The following PIK3C3 variants were observed in gnomAD, a reference collection of about 807,000 sequenced individuals.
PIK3C3 encodes phosphatidylinositol 3-kinase catalytic subunit type 3.
In PIK3C3, 95 loss-of-function variants were observed where a neutral mutation model predicts 126.1. That is an observed-to-expected ratio of 0.75 (90% CI 0.64 to 0.89). The LOEUF (loss-of-function observed/expected upper bound fraction) is 0.89. PIK3C3 is among the 40% of genes least tolerant of loss of function. PIK3C3 has a pLI of 0.00. For missense variants in PIK3C3, 829 were observed against 1,063.2 expected, an observed-to-expected ratio of 0.78 and a Z score of 3.06; for synonymous variants, 374 against 360.0, an observed-to-expected ratio of 1.04 and a Z score of -0.44.
intron 4 of PIK3C3, among the ~76,000 whole-genome samples, chr18:41,979,638 A>G (rs1199949950): frequency 6.6e-6 from 1 of 152,156 alleles, no homozygotes; most frequent in African/African-American, 2.4e-5. Flanking sequence ...AAATGAAGGC[A>G]TTATGTTTTA....
In PIK3C3 at chr18:42,082,880, T is replaced by C. The variant is rs1986299357; in HGVS notation, c.*1743T>C. On this transcript the variant is annotated 3_prime_UTR_variant, in exon 25 of 25. Coordinates refer to ENST00000262039, the MANE Select transcript of PIK3C3 (RefSeq NM_002647.4). ...AACTCCACAGCACTCTGCATAGATATGACCATGTTTATAAGGAACTCAATA... is the reference window on the plus strand; with the variant it reads ...AACTCCACAGCACTCTGCATAGATACGACCATGTTTATAAGGAACTCAATA... The C allele has an allele frequency of 1.3e-5, 2 of 152,210 alleles. No individual in the cohort carries two copies. The highest frequency in any genetic ancestry group is 6.5e-5 in the Admixed American group (1 of 15,276). The allele number at this position is 152,210 out of a possible 1,614,324, so 9.4% of individuals were successfully genotyped here. A position where few individuals can be genotyped will look rare whatever the true frequency, so the allele number is the denominator to read the frequency against.
chr18:42,078,241 G>C (rs1178441501), intron 24 of PIK3C3, among the ~76,000 whole-genome samples: 1 of 151,542 alleles, frequency 6.6e-6, no homozygotes, highest in Non-Finnish European at 1.5e-5. Context: ...GCCGGGTGCG[G>C]TGGCGGGCGC....
intron 4 of PIK3C3, among the ~76,000 whole-genome samples, chr18:41,977,177 T>C (rs908104508): frequency 1.3e-5 from 2 of 152,274 alleles, no homozygotes; most frequent in South Asian, 2.1e-4. Context: ...ATATCTATGC[T>C]ATGAAAGAAT....
At chr18:42,061,135 A>G (rs1455138439) in intron 22 of PIK3C3, among the ~76,000 whole-genome samples, 2 of 152,250 alleles carry the variant, frequency 1.3e-5, no homozygotes, top group Non-Finnish European at 2.9e-5. Context: ...GGTAAGAGAA[A>G]GAGTGCAGTT....
chr18:41,997,226 G>A (rs902580108), intron 9 of PIK3C3, among the ~76,000 whole-genome samples: 1 of 152,106 alleles, frequency 6.6e-6, no homozygotes, highest in African/African-American at 2.4e-5. Context: ...TTCTAGACGA[G>A]ATGTGGCTGG....
At chr18:41,974,675 T>G (rs1213270022) in intron 4 of PIK3C3, among the ~76,000 whole-genome samples, 1 of 152,116 alleles carries the variant, frequency 6.6e-6, no homozygotes, top group Non-Finnish European at 1.5e-5. Context: ...TCTAGAGCAT[T>G]TATTAAACTT....
rs1042384027 is a variant in PIK3C3, at chr18:42,081,828, A to G, written c.*691A>G. On this transcript the variant is annotated 3_prime_UTR_variant, in exon 25 of 25. Transcript: ENST00000262039. ...ATATGAAAATGTGGCTATTTAGATA[A>G]CTGGCCAAAAGGTCATATGACCACC... 2 of 152,222 alleles carry G rather than the reference A, an allele frequency of 1.3e-5. No homozygotes were observed. The highest frequency in any genetic ancestry group is 2.4e-5 in the African/African-American group (1 of 41,472). 9.4% of individuals were successfully genotyped at this position (152,222 alleles called of 1,614,324 possible).
At chr18:42,058,318 C>T (rs146168521) in intron 22 of PIK3C3, among the ~76,000 whole-genome samples, 2 of 152,268 alleles carry the variant, frequency 1.3e-5, no homozygotes, top group African/African-American at 4.8e-5. Context: ...ATGAAGCAAA[C>T]ATGGAGGCTT....
In PIK3C3 at chr18:42,037,802, C is replaced by A. The variant is rs1467945486; in HGVS notation, c.1950C>A (p.Ile650=). 1 of 1,610,728 alleles carries A rather than the reference C, an allele frequency of 6.2e-7. No individual in the cohort carries two copies. Among genetic ancestry groups the A allele is most frequent in the South Asian group, 1.1e-5 (1 of 90,842 alleles). ...DLRQDQLILQ[I]ISLMDKLLRK... is the part of the protein sequence containing the mutation. ...GTCAAGATCAACTTATTCTTCAAAT[C>A]ATTTCACTCATGGACAAGGTGAACA... is the stretch of plus-strand genomic sequence containing the variant. Residue 650 remains isoleucine (I), a synonymous_variant, in exon 17 of 25, where the codon ATC becomes ATA. Transcript: ENST00000262039.
At chr18:42,076,793 G>A (rs371489559) in intron 24 of PIK3C3, among the ~76,000 whole-genome samples, 1 of 152,138 alleles carries the variant, frequency 6.6e-6, no homozygotes, top group East Asian at 1.9e-4. Flanking sequence ...ACACTTGAAT[G>A]TCATCCTTGA....
intron 24 of PIK3C3, among the ~76,000 whole-genome samples, chr18:42,068,085 T>A: frequency 6.6e-6 from 1 of 152,216 alleles, no homozygotes; most frequent in Non-Finnish European, 1.5e-5. Context: ...CCCTCACCTC[T>A]CCTGTGAACT....
Position 42,067,529 on chromosome 18 carries a change from G to A in PIK3C3, c.2649+16G>A. 1 of 1,613,858 alleles carries A rather than the reference G, an allele frequency of 6.2e-7. No homozygotes were observed. The highest frequency in any genetic ancestry group is 8.5e-7 in the Non-Finnish European group (1 of 1,179,840). On this transcript the variant is annotated intron_variant, in intron 24 of 24. Coordinates refer to ENST00000262039, the MANE Select transcript of PIK3C3 (RefSeq NM_002647.4). ...GTTTGCCCAGGTAAGTTCCCTGAGT[G>A]CAGTGCATTTTTCTCACCTTCTCCG...
chr18:42,041,233 T>A (rs1373276944), intron 19 of PIK3C3, among the ~76,000 whole-genome samples: 1 of 152,092 alleles, frequency 6.6e-6, no homozygotes, highest in Non-Finnish European at 1.5e-5. Context: ...GTGAACAAAT[T>A]AAAATTTGTT....
intron 4 of PIK3C3, among the ~76,000 whole-genome samples, chr18:41,986,552 G>T (rs1416997435): frequency 6.6e-6 from 1 of 152,012 alleles, no homozygotes; most frequent in East Asian, 1.9e-4. Flanking sequence ...GTTTGAAAAT[G>T]GAGTATTAAG....
At chr18:42,076,135 T>TATGCAC (rs1568013666) in intron 24 of PIK3C3, among the ~76,000 whole-genome samples, 1 of 92,786 alleles carries the variant, frequency 1.1e-5, no homozygotes, top group African/African-American at 6.5e-5. Context: ...CATATATATA[T>TATGCAC]ATATATATGC....
chr18:42,059,068 A>T (rs555414946), intron 22 of PIK3C3, among the ~76,000 whole-genome samples: 5 of 152,310 alleles, frequency 3.3e-5, no homozygotes, highest in South Asian at 2.1e-4. Flanking sequence ...TCGTATTTGT[A>T]TGAGAACCCT....
At chr18:41,975,980 G>A (rs1401756206) in intron 4 of PIK3C3, among the ~76,000 whole-genome samples, 2 of 152,140 alleles carry the variant, frequency 1.3e-5, no homozygotes, top group Admixed American at 6.5e-5. Flanking sequence ...GATTGCAGGC[G>A]TGAGCCACCA....
intron 3 of PIK3C3, among the ~76,000 whole-genome samples, chr18:41,968,128 T>A (rs1980466352): frequency 6.6e-6 from 1 of 152,176 alleles, no homozygotes; most frequent in South Asian, 2.1e-4. Flanking sequence ...TCTAGATCCA[T>A]CCCAAGGCAC....
rs1167421388 is a variant in PIK3C3 at position 41,994,727 on chromosome 18, G to A, written c.787-1163G>A. ...ATAGGAATAAACTCCAAATGGATCT[G>A]TAATCTAAATGTTAGGAAATGAAAC... On this transcript the variant is annotated intron_variant, in intron 7 of 24. Coordinates refer to ENST00000262039, the MANE Select transcript of PIK3C3 (RefSeq NM_002647.4). 3.9e-5 allele frequency among the ~76,000 whole-genome samples: 6 copies of A among 152,058 alleles called. No homozygotes were observed. In the East Asian group the frequency reaches 1.2e-3, roughly 29 times the overall value.
Sources: allele counts gnomAD v4.1 joint callset (sites outside exome capture counted in the v4.1 genomes callset), GRCh38; gene constraint gnomAD v4.1.1; transcripts MANE v1.5; gene names NCBI Gene and HGNC (gene_info 2026-07-23, HGNC 2026-07-21).